Variants in MAGI2 observed in about 807,000 individuals in gnomAD.
MAGI2 encodes the protein membrane associated guanylate kinase, WW and PDZ domain containing 2.
A neutral mutation model predicts 133.3 loss-of-function variants in MAGI2; 35 were observed. The ratio of observed to expected loss-of-function variants is 0.26; its 90% CI spans 0.20 to 0.35. The LOEUF is 0.35. Ranked by LOEUF, MAGI2 falls within the 10% of genes least tolerant of loss-of-function variation. MAGI2 has a pLI of 1.00. For synonymous variants in MAGI2, 729 were observed against 710.6 expected (o/e 1.03, Z -0.41); for missense variants, 1,636 against 1,863.4 (o/e 0.88, Z 2.25).
chr7:78,439,935 C>T (rs1379016040), intron 6 of MAGI2, among the ~76,000 whole-genome samples: 1 of 151,880 alleles, frequency 6.6e-6, no homozygotes, highest in Non-Finnish European at 1.5e-5. Flanking sequence ...TAAAACGTGT[C>T]TAGTGCCACA....
At chr7:79,117,449 G>A (rs1819505292) in intron 1 of MAGI2, among the ~76,000 whole-genome samples, 1 of 152,026 alleles carries the variant, frequency 6.6e-6, no homozygotes, top group Admixed American at 6.6e-5. Context: ...TTTTTAATTA[G>A]GGACCACTGC....
chr7:79,177,377 A>G (rs188756095), intron 1 of MAGI2, among the ~76,000 whole-genome samples: 3 of 152,190 alleles, frequency 2.0e-5, no homozygotes, highest in Admixed American at 1.3e-4. Flanking sequence ...TGACTTTTTT[A>G]TCATTTTATG....
chr7:79,342,342 A>C (rs1261902088), intron 1 of MAGI2, among the ~76,000 whole-genome samples: 1 of 152,204 alleles, frequency 6.6e-6, no homozygotes, highest in Non-Finnish European at 1.5e-5. Flanking sequence ...GTACTGTTAG[A>C]GCCTCAGTAA....
rs965693844 is a variant in MAGI2 at position 79,171,088 on chromosome 7, G to A, written c.302-163882C>T. The stretch of plus-strand genomic sequence containing the variant: ...TTGGAAGCTATATTAGTTTGCTAGG[G>A]CTGCCATTACAAAGTACCATAAACT... On this transcript the variant is annotated intron_variant, in intron 1 of 21. Coordinates refer to ENST00000354212, the MANE Select transcript of MAGI2 (RefSeq NM_012301.4). 9.2e-5 allele frequency among the ~76,000 whole-genome samples: 14 copies of A among 152,150 alleles called. No homozygotes were observed. In the East Asian group the frequency reaches 2.7e-3, roughly 29 times the overall value.
chr7:79,136,036 A>AGAAG (rs1371240009), intron 1 of MAGI2, among the ~76,000 whole-genome samples: 18 of 137,112 alleles, frequency 1.3e-4, no homozygotes, highest in African/African-American at 5.3e-4. Flanking sequence ...AAGGAAAGAA[A>AGAAG]GAAAGAAAGA....
intron 2 of MAGI2, among the ~76,000 whole-genome samples, chr7:78,745,946 T>A (rs1218441234): frequency 6.6e-6 from 1 of 152,182 alleles, no homozygotes; most frequent in East Asian, 1.9e-4. Context: ...GAAAATACTG[T>A]CTTGTCAGGA....
At chr7:78,897,327 T>C (rs761302944) in intron 2 of MAGI2, among the ~76,000 whole-genome samples, 11 of 152,222 alleles carry the variant, frequency 7.2e-5, no homozygotes, top group Non-Finnish European at 1.2e-4. Flanking sequence ...ATTCTTTTTA[T>C]ACTGATGGCA....
At chr7:78,594,982 T>C (rs1804443424) in intron 3 of MAGI2, among the ~76,000 whole-genome samples, 1 of 152,200 alleles carries the variant, frequency 6.6e-6, no homozygotes. Flanking sequence ...CACAGACATA[T>C]AGCTTAGAAG....
chr7:78,642,929 T>C (rs1013984186), intron 2 of MAGI2, among the ~76,000 whole-genome samples: 62 of 152,200 alleles, frequency 4.1e-4, no homozygotes, highest in African/African-American at 1.5e-3. Flanking sequence ...TTGTGGGAGA[T>C]AGATGAGAGC....
At chr7:78,823,026 C>T (rs1487282372) in intron 2 of MAGI2, among the ~76,000 whole-genome samples, 1 of 152,182 alleles carries the variant, frequency 6.6e-6, no homozygotes, top group Non-Finnish European at 1.5e-5. Flanking sequence ...AACCACCATT[C>T]CTATTTTGAG....
At chr7:79,149,684 T>A (rs1407909701) in intron 1 of MAGI2, among the ~76,000 whole-genome samples, 2 of 152,120 alleles carry the variant, frequency 1.3e-5, no homozygotes, top group Admixed American at 1.3e-4. Context: ...CCAGCCAAGA[T>A]CCAGGGAACC....
intron 2 of MAGI2, among the ~76,000 whole-genome samples, chr7:78,844,620 G>A (rs1349215112): frequency 2.0e-5 from 3 of 151,798 alleles, no homozygotes; most frequent in African/African-American, 7.2e-5. Flanking sequence ...TAAAATAGAC[G>A]AGTGGTTTCC....
chr7:78,460,636 C>T (rs1789871849), intron 6 of MAGI2, among the ~76,000 whole-genome samples: 1 of 152,130 alleles, frequency 6.6e-6, no homozygotes, highest in South Asian at 2.1e-4. Flanking sequence ...GAGGTTTACT[C>T]CTTATTTACA....
At chr7:78,869,586 G>A (rs1794858871) in intron 2 of MAGI2, among the ~76,000 whole-genome samples, 1 of 152,170 alleles carries the variant, frequency 6.6e-6, no homozygotes, top group Non-Finnish European at 1.5e-5. Flanking sequence ...CGGATGGGGA[G>A]GCCTCAGGAA....
rs561849286 is a variant in MAGI2, at chr7:78,195,661, C to G, written c.2080-598G>C. On this transcript the variant is annotated intron_variant, in intron 11 of 21. Transcript: ENST00000354212. Reference sequence around the variant, plus strand: ...TTACTGTGGATCTGGTGGTTCCTCCCCCAGAATGCTGCTACTGATGTTGCT... The same window carrying G: ...TTACTGTGGATCTGGTGGTTCCTCCGCCAGAATGCTGCTACTGATGTTGCT... Among the ~76,000 whole-genome samples the G allele has an allele frequency of 3.9e-5, 6 of 152,246 alleles. No individual in the cohort carries two copies. The South Asian group carries it at 1.2e-3, about 32-fold the overall frequency.
chr7:78,362,378 G>A (rs549151831), intron 7 of MAGI2, among the ~76,000 whole-genome samples: 130 of 152,280 alleles, frequency 8.5e-4, no homozygotes, highest in African/African-American at 3.1e-3. Context: ...AAGAAGTATT[G>A]GGAAAGAAAT....
intron 1 of MAGI2, among the ~76,000 whole-genome samples, chr7:79,377,940 C>G (rs894946585): frequency 6.6e-6 from 1 of 151,758 alleles, no homozygotes; most frequent in Non-Finnish European, 1.5e-5. Flanking sequence ...GCACAAAGTT[C>G]TAATGTGTGT....
chr7:78,086,928 G>A (rs879668829), intron 20 of MAGI2, among the ~76,000 whole-genome samples: 6 of 152,280 alleles, frequency 3.9e-5, no homozygotes, highest in Non-Finnish European at 7.3e-5. Flanking sequence ...GAGCTACTGC[G>A]TCTGGCCCTT....
intron 1 of MAGI2, among the ~76,000 whole-genome samples, chr7:79,390,752 T>C (rs1049537091): frequency 2.0e-5 from 3 of 152,206 alleles, no homozygotes; most frequent in African/African-American, 7.2e-5. Flanking sequence ...TCAAGTCATA[T>C]TGCAGGGCAA....
Sources: allele counts gnomAD v4.1 joint callset (sites outside exome capture counted in the v4.1 genomes callset), GRCh38; gene constraint gnomAD v4.1.1; transcripts MANE v1.5; gene names NCBI Gene and HGNC (gene_info 2026-07-23, HGNC 2026-07-21).